MLPH: variants seen among roughly 807,000 people sequenced by gnomAD.
MLPH encodes the protein exophilin-3.
Under a neutral mutation model 72.1 loss-of-function variants are expected in MLPH, and 51 were observed. The observed-to-expected ratio is 0.71, with a 90% CI of 0.56 to 0.89. The LOEUF (loss-of-function observed/expected upper bound fraction) is 0.89. Ranked by LOEUF, MLPH falls within the 40% of genes least tolerant of loss-of-function variation. The pLI is 0.00. For missense variants in MLPH, 743 were observed against 759.9 expected (o/e 0.98, Z 0.26); for synonymous variants, 301 against 310.1 (o/e 0.97, Z 0.31).
chr2:237,510,876 G>C lies in MLPH; in HGVS notation c.332+81G>C, dbSNP rs1397925786. ...CCTTCCATGGGGCTAGCTGAAGAAGGGTGGACGCACACATGCACACACTCG... is the reference window on the plus strand; with the variant it reads ...CCTTCCATGGGGCTAGCTGAAGAAGCGTGGACGCACACATGCACACACTCG... On this transcript the variant is annotated intron_variant, in intron 3 of 15. Coordinates refer to ENST00000264605, the MANE Select transcript of MLPH (RefSeq NM_024101.7). The surrounding 1 kb of genome is among the most constrained non-coding windows in gnomAD (Gnocchi z 4.4). The C allele has an allele frequency of 6.4e-7, 1 of 1,567,898 alleles. No homozygotes were observed. Among genetic ancestry groups the C allele is most frequent in the East Asian group, 2.2e-5 (1 of 44,622 alleles).
chr2:237,541,047 C>T lies in MLPH; in HGVS notation c.1446+90C>T, dbSNP rs2080670805. On this transcript the variant is annotated intron_variant, in intron 11 of 15. Coordinates refer to ENST00000264605, the MANE Select transcript of MLPH (RefSeq NM_024101.7). This position sits in a 1 kb window ranked among gnomAD's most constrained non-coding sequence, Gnocchi z 5.1. ...TTGAACATCTGCCAGCTCTAACATC[C>T]GCCAGCTCACACTGAGCCCTCCCCA... The T allele has an allele frequency of 1.0e-5, 15 of 1,483,828 alleles. No homozygotes were observed. Among genetic ancestry groups the T allele is most frequent in the South Asian group, 4.9e-5 (4 of 82,118 alleles). 91.9% of individuals were successfully genotyped at this position (1,483,828 alleles called of 1,614,324 possible).
intron 2 of MLPH, among the ~76,000 whole-genome samples, chr2:237,506,945 A>G (rs1401996453): frequency 6.6e-6 from 1 of 152,152 alleles, no homozygotes; most frequent in Admixed American, 6.5e-5. Flanking sequence ...CAGATACATA[A>G]TTGAAAAAAG....
At chr2:237,515,343 G>C (rs1050785439) in intron 4 of MLPH, among the ~76,000 whole-genome samples, 3 of 152,178 alleles carry the variant, frequency 2.0e-5, no homozygotes, top group African/African-American at 7.2e-5. Flanking sequence ...GCTGTCCTGA[G>C]GGTAGTGCTG....
chr2:237,489,636 G>A (rs760431783), intron 1 of MLPH, among the ~76,000 whole-genome samples: 9 of 152,078 alleles, frequency 5.9e-5, no homozygotes, highest in Non-Finnish European at 8.8e-5. Context: ...AACACCACAC[G>A]ACACACCTTG....
chr2:237,513,119 AG>A (rs1173912200), intron 4 of MLPH, among the ~76,000 whole-genome samples: 1 of 150,644 alleles, frequency 6.6e-6, no homozygotes, highest in Non-Finnish European at 1.5e-5. Flanking sequence ...AAAAAAAAAA[AG>A]GAGGGTAAAA....
At position 237,554,270 on chromosome 2, in the gene MLPH, C is replaced by T. The variant is rs2081091312; in HGVS notation, c.*678C>T. On this transcript the variant is annotated 3_prime_UTR_variant, in exon 16 of 16. Transcript: ENST00000264605. ...TTTGATAGATGCTCAGATGCTAGTG[C>T]AGAGAGCCTGCTGGGAGACGAAGAG... The T allele has an allele frequency of 5.8e-6, 1 of 172,124 alleles. No individual in the cohort carries two copies. The highest frequency in any genetic ancestry group is 1.4e-4 in the South Asian group (1 of 6,972). The allele number at this position is 172,124 out of a possible 1,614,324, so 10.7% of individuals were successfully genotyped here. A position where few individuals can be genotyped will look rare whatever the true frequency, so the allele number is the denominator to read the frequency against.
chr2:237,552,309 A>G, intron 14 of MLPH, 28 bp from the exon 15 acceptor site: 4 of 1,598,912 alleles, frequency 2.5e-6, no homozygotes, highest in Non-Finnish European at 3.4e-6. Context: ...TTGATAAAGC[A>G]CCATCCCTCT....
intron 6 of MLPH, among the ~76,000 whole-genome samples, 178 bp downstream of exon 6, chr2:237,520,207 C>T (rs2080150714): frequency 6.6e-6 from 1 of 152,214 alleles, no homozygotes; most frequent in Non-Finnish European, 1.5e-5. Flanking sequence ...CCAGAGACCT[C>T]ACACTCCCCC....
At position 237,552,443 on chromosome 2, in the gene MLPH, GT is replaced by G. The variant is rs775270028; in HGVS notation, c.1776+10del. On this transcript the variant is annotated splice_region_variant and intron_variant, in intron 15 of 15. Transcript: ENST00000264605. ...TGGCCAGCCACACCTTCGCGGTAAA[GT>G]TTTCTCTCATTCTCTGAGGAGTTTT... The G allele has an allele frequency of 3.6e-4, 586 of 1,613,076 alleles. 6 individuals are homozygous for G. The South Asian group carries it at 5.4e-3, about 15-fold the overall frequency.
chr2:237,542,390 T>C (rs1000766815), intron 11 of MLPH, among the ~76,000 whole-genome samples, 177 bp from the exon 12 acceptor site: 1 of 152,070 alleles, frequency 6.6e-6, no homozygotes, highest in Admixed American at 6.5e-5. Context: ...CCACAGAAGA[T>C]AAATGCCAAG....
At position 237,501,653 on chromosome 2, in the gene MLPH, C is replaced by T. The variant is rs2079649236; in HGVS notation, c.110+8117C>T. Reference sequence around the variant, plus strand: ...GCCAGCCTGGCTAACATAGTGAAACCACGTCTCTACTAAAAAAAAAAAAAA... The same window carrying T: ...GCCAGCCTGGCTAACATAGTGAAACTACGTCTCTACTAAAAAAAAAAAAAA... On this transcript the variant is annotated intron_variant, in intron 2 of 15. Coordinates refer to ENST00000264605, the MANE Select transcript of MLPH (RefSeq NM_024101.7). Among the ~76,000 whole-genome samples the T allele has an allele frequency of 3.0e-5, 4 of 131,178 alleles. No homozygotes were observed. The South Asian group carries it at 9.5e-4, about 31-fold the overall frequency. 86.1% of individuals were successfully genotyped at this position (131,178 alleles called of 152,430 possible).
intron 7 of MLPH, among the ~76,000 whole-genome samples, chr2:237,526,164 T>G (rs2080300709): frequency 6.6e-6 from 1 of 152,192 alleles, no homozygotes; most frequent in Non-Finnish European, 1.5e-5. Context: ...GCATTGCCAC[T>G]GCTGGCCCAC....
rs550913854 is a variant in MLPH, at chr2:237,504,870, C to T, written c.111-5704C>T. Among the ~76,000 whole-genome samples, 19 of 152,288 alleles carry T rather than the reference C, an allele frequency of 1.2e-4. No homozygotes were observed. In the East Asian group the frequency reaches 2.5e-3, roughly 20 times the overall value. On this transcript the variant is annotated intron_variant, in intron 2 of 15. Coordinates refer to ENST00000264605, the MANE Select transcript of MLPH (RefSeq NM_024101.7). ...AAAAACTCATGGTCGAAAACTTCAC[C>T]CAACCAAGCCGTGCAAAGGAAATAC...
chr2:237,507,312 C>T (rs998040584), intron 2 of MLPH: 13 of 152,184 alleles, frequency 8.5e-5, no homozygotes, highest in African/African-American at 2.9e-4. Flanking sequence ...AGTGATCTGC[C>T]TGCCTCAGCC....
chr2:237,517,729 G>GTGGATGGATGGA (rs58864368), intron 4 of MLPH, among the ~76,000 whole-genome samples: 1 of 135,014 alleles, frequency 7.4e-6, no homozygotes, highest in African/African-American at 2.7e-5. Context: ...AAGTAAGTGG[G>GTGGATGGATGGA]TGGATGGATG....
intron 5 of MLPH, among the ~76,000 whole-genome samples, chr2:237,519,477 T>C (rs1429218967): frequency 6.6e-6 from 1 of 152,228 alleles, no homozygotes; most frequent in Non-Finnish European, 1.5e-5. Context: ...TGCAGGCTCT[T>C]ACATCTAAAG....
chr2:237,532,631 C>G (rs1019376419), intron 8 of MLPH, among the ~76,000 whole-genome samples: 1 of 152,170 alleles, frequency 6.6e-6, no homozygotes, highest in Non-Finnish European at 1.5e-5. Context: ...TTGGTATTGT[C>G]GCGAGTTGAA....
At chr2:237,499,212 A>G (rs1286794116) in intron 2 of MLPH, among the ~76,000 whole-genome samples, 14 of 152,208 alleles carry the variant, frequency 9.2e-5, no homozygotes, top group African/African-American at 2.9e-4. Flanking sequence ...ATTGATGAAG[A>G]TAAAGAAAAA....
chr2:237,548,917 A>G (rs140702864), intron 13 of MLPH, among the ~76,000 whole-genome samples: 59 of 152,304 alleles, frequency 3.9e-4, no homozygotes, highest in Non-Finnish European at 7.1e-4. Flanking sequence ...CATGTCACAC[A>G]GTGGTAAGGG....
Sources: gnomAD v4.1 joint callset for allele counts (sites outside exome capture counted in the v4.1 genomes callset) on GRCh38, gnomAD v4.1.1 for gene constraint, Gnocchi (gnomAD v3.1) non-coding constraint, MANE v1.5 for transcripts, NCBI Gene and HGNC (gene_info 2026-07-23, HGNC 2026-07-21) for gene names.